PLEKHG4B: variants seen among roughly 807,000 people sequenced by gnomAD.
PLEKHG4B encodes the protein pleckstrin homology and RhoGEF domain containing G4B.
In PLEKHG4B, 111 loss-of-function variants were observed where a neutral mutation model predicts 121.3. The ratio of observed to expected loss-of-function variants is 0.92; its 90% confidence interval spans 0.78 to 1.07. PLEKHG4B has a LOEUF of 1.07. Among genes scored for constraint, PLEKHG4B ranks in the 50% least tolerant of loss-of-function variants. PLEKHG4B has a pLI of 0.00. For missense variants in PLEKHG4B, 1,831 were observed against 1,757.8 expected (o/e 1.04, Z -0.74); for synonymous variants, 738 against 725.0 (o/e 1.02, Z -0.29).
chr5:184,174 G>A lies in PLEKHG4B; in HGVS notation c.*1851G>A, dbSNP rs1228589773. 2 of 152,204 alleles carry A rather than the reference G, an allele frequency of 1.3e-5. No individual in the cohort carries two copies. Among genetic ancestry groups the A allele is most frequent in the East Asian group, 1.9e-4 (1 of 5,186 alleles). The allele number at this position is 152,204 out of a possible 1,614,324, so 9.4% of individuals were successfully genotyped here. Reference sequence around the variant, plus strand: ...CCGAGTCCTAAAGCCTCAGAGCCAGGGAAGCCAGTGGTGTAATTCTCAGAG... The same window carrying A: ...CCGAGTCCTAAAGCCTCAGAGCCAGAGAAGCCAGTGGTGTAATTCTCAGAG... On this transcript the variant is annotated 3_prime_UTR_variant, in exon 20 of 20. Coordinates refer to ENST00000637938, the MANE Select transcript of PLEKHG4B (RefSeq NM_052909.5).
chr5:99,195 TATATATATATATATATA>T, intron 1 of PLEKHG4B, among the ~76,000 whole-genome samples: 1 of 141,308 alleles, frequency 7.1e-6, no homozygotes, highest in Non-Finnish European at 1.5e-5. Flanking sequence ...TATATATATA[TATATATATATATATATA>T]TTTTGCGATT....
At chr5:100,214 T>C (rs1223117164) in intron 1 of PLEKHG4B, among the ~76,000 whole-genome samples, 2 of 152,166 alleles carry the variant, frequency 1.3e-5, no homozygotes, top group Non-Finnish European at 2.9e-5. Context: ...AAATGTAAAT[T>C]TTGAAATAAG....
At chr5:122,380 G>C (rs73020549) in intron 2 of PLEKHG4B, among the ~76,000 whole-genome samples, 1 of 151,864 alleles carries the variant, frequency 6.6e-6, no homozygotes, top group South Asian at 2.1e-4. Flanking sequence ...CTGAACGTTC[G>C]TTGTATAAAA....
intron 13 of PLEKHG4B, 101 bp from the exon 14 acceptor site, chr5:169,239 A>T: frequency 1.0e-5 from 15 of 1,501,860 alleles, no homozygotes; most frequent in Non-Finnish European, 9.0e-6. Flanking sequence ...GACCCTGCTC[A>T]TCCCTCCGGG....
Position 135,712 on chromosome 5 carries a change from T to A in PLEKHG4B, c.244-3771T>A, listed in dbSNP as rs1438286704. ...ATATATATATATATATATATATATA[T>A]ATATATATATATATATGTATGTCAG... On this transcript the variant is annotated intron_variant, in intron 2 of 19. Coordinates refer to ENST00000637938, the MANE Select transcript of PLEKHG4B (RefSeq NM_052909.5). 2.3e-3 allele frequency among the ~76,000 whole-genome samples: 251 copies of A among 106,818 alleles called. 8 individuals are homozygous for A. The highest frequency in any genetic ancestry group is 4.5e-3 in the Middle Eastern group (1 of 220). 70.1% of individuals were successfully genotyped at this position (106,818 alleles called of 152,430 possible). A position where few individuals can be genotyped will look rare whatever the true frequency, so the allele number is the denominator to read the frequency against.
rs899732583 is a variant in PLEKHG4B, at chr5:187,252, A to G, written c.*4929A>G. On this transcript the variant is annotated 3_prime_UTR_variant, in exon 20 of 20. Transcript: ENST00000637938. ...TCCCCTTGAGGACAGCAGGGAGGCG[A>G]CTCAGGAGAGGCTGATCAGACGGGA... The G allele has an allele frequency of 2.0e-5, 3 of 152,276 alleles. No individual in the cohort carries two copies. The highest frequency in any genetic ancestry group is 4.4e-5 in the Non-Finnish European group (3 of 68,100). The allele number at this position is 152,276 out of a possible 1,614,324, so 9.4% of individuals were successfully genotyped here. A position where few individuals can be genotyped will look rare whatever the true frequency, so the allele number is the denominator to read the frequency against.
At chr5:111,212 T>C (rs1734148310) in intron 1 of PLEKHG4B, among the ~76,000 whole-genome samples, 1 of 152,268 alleles carries the variant, frequency 6.6e-6, no homozygotes, top group East Asian at 1.9e-4. Flanking sequence ...AAGGCTGCTA[T>C]GAATAAACCT....
chr5:138,991 G>A (rs1038126504), intron 2 of PLEKHG4B, among the ~76,000 whole-genome samples: 3 of 152,218 alleles, frequency 2.0e-5, no homozygotes, highest in South Asian at 2.1e-4. Flanking sequence ...CCTGGCACCC[G>A]CACCCCTCGC....
intron 2 of PLEKHG4B, among the ~76,000 whole-genome samples, chr5:115,130 C>T (rs910245001): frequency 6.6e-6 from 1 of 152,242 alleles, no homozygotes; most frequent in Non-Finnish European, 1.5e-5. Flanking sequence ...CAAAATTACT[C>T]TTGAGCCATA....
At position 188,444 on chromosome 5, in the gene PLEKHG4B, C is replaced by T. The variant is rs977839893; in HGVS notation, c.*6121C>T. 1 of 152,210 alleles carries T rather than the reference C, an allele frequency of 6.6e-6. No individual in the cohort carries two copies. Among genetic ancestry groups the T allele is most frequent in the African/African-American group, 2.4e-5 (1 of 41,436 alleles). 9.4% of individuals were successfully genotyped at this position (152,210 alleles called of 1,614,324 possible). On this transcript the variant is annotated 3_prime_UTR_variant, in exon 20 of 20. Coordinates refer to ENST00000637938, the MANE Select transcript of PLEKHG4B (RefSeq NM_052909.5). ...TGGGGGATTAGCACCTTGGCTGAGC[C>T]CGAACTGACCACCTGGGGCGTAGGT... is the stretch of plus-strand genomic sequence containing the variant.
rs926359991 is a variant in PLEKHG4B, at chr5:139,895, G to A, written c.656G>A (p.Arg219Gln). 1 of 402,144 alleles carries A rather than the reference G, an allele frequency of 2.5e-6. No individual in the cohort carries two copies. The highest frequency in any genetic ancestry group is 4.4e-6 in the Non-Finnish European group (1 of 228,292). 24.9% of individuals were successfully genotyped at this position (402,144 alleles called of 1,614,324 possible). A position where few individuals can be genotyped will look rare whatever the true frequency, so the allele number is the denominator to read the frequency against. Residue 219 changes from arginine to glutamine, a missense_variant, in exon 3 of 20, where the codon CGG (arginine) becomes CAG (glutamine). Physicochemically the swap from Arg to Gln is conservative, Grantham distance 43. Transcript: ENST00000637938. The surrounding 1 kb of genome is among the most constrained non-coding windows in gnomAD (Gnocchi z 5.0). ...QSYSSCTGPE[R>Q]LPSSPSEAPV... ...TACTCCAGCTGCACAGGTCCTGAGCGGCTGCCCAGCAGCCCCTCAGAGGCC... is the reference window on the plus strand; with the variant it reads ...TACTCCAGCTGCACAGGTCCTGAGCAGCTGCCCAGCAGCCCCTCAGAGGCC...
chr5:182,016 G>A lies in PLEKHG4B; in HGVS notation c.4577G>A (p.Arg1526Lys). 6.2e-7 allele frequency: 1 copy of A among 1,613,738 alleles called. No individual in the cohort carries two copies. Among genetic ancestry groups the A allele is most frequent in the Non-Finnish European group, 8.5e-7 (1 of 1,179,674 alleles). The part of the protein sequence containing the change: ...SIVKGTESQM[R>K]GSTAVSSSDH... ...TGTCCCTTTCCAGAGTCACAAATGA[G>A]AGGGTCCACAGCGGTGTCCTCCTCT... Residue 1526 changes from arginine to lysine, a missense_variant, in exon 20 of 20, where the codon AGA (arginine) becomes AAA (lysine). Coordinates refer to ENST00000637938, the MANE Select transcript of PLEKHG4B (RefSeq NM_052909.5).
In PLEKHG4B at chr5:137,261, G is replaced by A. The variant is rs1257156702; in HGVS notation, c.244-2222G>A. ...TGGGTGCCAGGGGCTCAGGGGCAGG[G>A]GAATGGTGAGCTGGTGTTTAATGGG... On this transcript the variant is annotated intron_variant, in intron 2 of 19. Transcript: ENST00000637938. This position sits in a 1 kb window ranked among gnomAD's most constrained non-coding sequence, Gnocchi z 4.2. 6.6e-6 allele frequency among the ~76,000 whole-genome samples: 1 copy of A among 152,196 alleles called. No homozygotes were observed. Among genetic ancestry groups the A allele is most frequent in the African/African-American group, 2.4e-5 (1 of 41,458 alleles).
chr5:148,838 G>A (rs1029656502), intron 6 of PLEKHG4B, among the ~76,000 whole-genome samples: 1 of 152,152 alleles, frequency 6.6e-6, no homozygotes, highest in Non-Finnish European at 1.5e-5. Context: ...CAAAGCAACA[G>A]TAATCAAAAA....
rs768548470 is a variant in PLEKHG4B, at chr5:143,512, G to C, written c.1811+9G>C. The C allele has an allele frequency of 2.1e-5, 34 of 1,612,470 alleles. No individual in the cohort carries two copies. In the Admixed American group the frequency reaches 5.5e-4, roughly 26 times the overall value. ...TTCCATAGCATCCCCAGGTGGGACG[G>C]GGGGCAAGGCCGCACCCTGCAGACC... is the stretch of plus-strand genomic sequence containing the variant. On this transcript the variant is annotated intron_variant, in intron 5 of 19. Transcript: ENST00000637938.
intron 13 of PLEKHG4B, among the ~76,000 whole-genome samples, chr5:168,564 G>A (rs1200085283): frequency 6.6e-6 from 1 of 152,198 alleles, no homozygotes; most frequent in Non-Finnish European, 1.5e-5. Context: ...TGCTGGAAGT[G>A]TTTGAGTCAT....
At position 96,843 on chromosome 5, in the gene PLEKHG4B, G is replaced by A. The variant is rs1043242495; in HGVS notation, c.45+4567G>A. Among the ~76,000 whole-genome samples, 4 of 152,022 alleles carry A rather than the reference G, an allele frequency of 2.6e-5. No individual in the cohort carries two copies. The East Asian group carries it at 5.8e-4, about 22-fold the overall frequency. On this transcript the variant is annotated intron_variant, in intron 1 of 19. Coordinates refer to ENST00000637938, the MANE Select transcript of PLEKHG4B (RefSeq NM_052909.5). ...GGTGGGAGTAATAAATACAAGGAGA[G>A]CAACAGTTCCAACAAATGAGAAAAA... is the stretch of plus-strand genomic sequence containing the variant.
intron 2 of PLEKHG4B, among the ~76,000 whole-genome samples, chr5:127,981 T>C (rs995133724): frequency 6.6e-6 from 1 of 152,232 alleles, no homozygotes. Context: ...TGACAATTGG[T>C]TGAGTTCTTC....
At chr5:112,113 G>A (rs1046982951) in intron 1 of PLEKHG4B, among the ~76,000 whole-genome samples, 4 of 152,182 alleles carry the variant, frequency 2.6e-5, no homozygotes, top group African/African-American at 4.8e-5. Context: ...TGGCCCTGTC[G>A]GGTGAGTGAG....
Sources: gnomAD v4.1 joint callset for allele counts (sites outside exome capture counted in the v4.1 genomes callset) on GRCh38, gnomAD v4.1.1 for gene constraint, Gnocchi (gnomAD v3.1) non-coding constraint, MANE v1.5 for transcripts, NCBI Gene and HGNC (gene_info 2026-07-23, HGNC 2026-07-21) for gene names.